The following COCH variants were observed in gnomAD, a reference collection of about 807,000 sequenced individuals.
COCH encodes the protein cochlin.
In COCH, 40 loss-of-function variants were observed where a neutral mutation model predicts 54.8. That is an observed-to-expected ratio of 0.73 (90% CI 0.57 to 0.95). The LOEUF (loss-of-function observed/expected upper bound fraction) is 0.95, where lower values mean the gene tolerates loss of function less well. Among genes scored for constraint, COCH ranks in the 40% least tolerant of loss-of-function variants. COCH has a pLI of 0.00. For synonymous variants in COCH, 256 were observed against 237.9 expected (o/e 1.08, Z -0.70); for missense variants, 605 against 675.0 (o/e 0.90, Z 1.15).
downstream of COCH, chr14:30,893,864 G>A (rs1360551864): frequency 1.3e-5 from 2 of 152,486 alleles, no homozygotes; most frequent in Admixed American, 1.3e-4. Flanking sequence ...AACACAAAAT[G>A]ATGTAGCCAA....
At chr14:30,881,212 CAAAAAAA>C (rs11297000) in intron 8 of COCH, among the ~76,000 whole-genome samples, 43 of 93,420 alleles carry the variant, frequency 4.6e-4, no homozygotes, top group African/African-American at 1.6e-3. Context: ...GACTATGTCT[CAAAAAAA>C]AAAAAAAAAA....
At chr14:30,888,905 A>G (rs575133156) in intron 11 of COCH, among the ~76,000 whole-genome samples, 2 of 152,318 alleles carry the variant, frequency 1.3e-5, no homozygotes, top group South Asian at 4.1e-4. Context: ...TCTAGTAACT[A>G]AAGTGAATGG....
intron 9 of COCH, 81 bp from the exon 10 acceptor site, chr14:30,885,313 C>G: frequency 8.2e-7 from 1 of 1,223,568 alleles, no homozygotes; most frequent in Middle Eastern, 1.9e-4. Flanking sequence ...TTAAACTTTG[C>G]AGCATCAAAT....
rs1407997558 is a variant in COCH, at chr14:30,889,740, TTCTGATGTCA to T, written c.1605_1614del (p.Asp536GlufsTer8). The T allele has an allele frequency of 6.2e-7, 1 of 1,613,610 alleles. No individual in the cohort carries two copies. The highest frequency in any genetic ancestry group is 8.5e-7 in the Non-Finnish European group (1 of 1,179,508). Reference sequence around the variant, plus strand: ...AGTTCACAGGATTAGAACCAATTGTTTCTGATGTCATCAGAGGCATTTGTAGAGATTTCTT... The same window carrying T: ...AGTTCACAGGATTAGAACCAATTGTTTCAGAGGCATTTGTAGAGATTTCTT... On this transcript the variant is annotated frameshift_variant, in exon 12 of 12. Transcript: ENST00000396618. LOFTEE classifies it high-confidence loss of function.
chr14:30,882,834 AG>A (rs1454418637), intron 8 of COCH, among the ~76,000 whole-genome samples: 1 of 152,186 alleles, frequency 6.6e-6, no homozygotes, highest in Admixed American at 6.5e-5. Context: ...AGCTGCAGTG[AG>A]CTATGATGGC....
chr14:30,878,814 A>G lies in COCH; in HGVS notation c.243A>G (p.Gly81=). 2 of 1,614,166 alleles carry G rather than the reference A, an allele frequency of 1.2e-6. No homozygotes were observed. The highest frequency in any genetic ancestry group is 1.7e-6 in the Non-Finnish European group (2 of 1,180,030). Residue 81 remains glycine (G), a synonymous_variant, in exon 5 of 12, where the codon GGA becomes GGG. Transcript: ENST00000396618. The part of the protein sequence containing the change: ...SSICGAAVHR[G]VISNSGGPVR... The stretch of plus-strand genomic sequence containing the variant: ...AGCTGCTATTCTTGTGTTACAGGGG[A>G]GTAATCAGCAACTCAGGGGGACCTG...
In COCH at chr14:30,877,961, G is replaced by A. The variant is rs1196264790; in HGVS notation, c.239+233G>A. 6.6e-6 allele frequency among the ~76,000 whole-genome samples: 1 copy of A among 152,200 alleles called. No individual in the cohort carries two copies. The highest frequency in any genetic ancestry group is 2.4e-5 in the African/African-American group (1 of 41,448). On this transcript the variant is annotated intron_variant, in intron 4 of 11. Transcript: ENST00000396618. This position sits in a 1 kb window ranked among gnomAD's most constrained non-coding sequence, Gnocchi z 8.6. ...TACCTCTTGATGGCTAGATTGCTAT[G>A]ATTCCAAAACATTCCTAATCATGTG...
chr14:30,878,985 C>A lies in COCH; in HGVS notation c.373+41C>A, dbSNP rs76449673. ...GTTCTCATTCTGTAATATTCTCCCA[C>A]CCCCCAAACGTTTTCTGCTTTTTTT... is the stretch of plus-strand genomic sequence containing the variant. On this transcript the variant is annotated intron_variant, in intron 5 of 11. Coordinates refer to ENST00000396618, the MANE Select transcript of COCH (RefSeq NM_004086.3). The A allele has an allele frequency of 7.8e-4, 1,249 of 1,610,074 alleles. 11 individuals are homozygous for A. The African/African-American group carries it at 0.013, about 17-fold the overall frequency.
At chr14:30,891,194 A>G (rs1432247569), downstream of COCH, among the ~76,000 whole-genome samples, 1 of 152,216 alleles carries the variant, frequency 6.6e-6, no homozygotes, top group Non-Finnish European at 1.5e-5. Context: ...TTACTTAAAA[A>G]TGCTTGTGAA....
chr14:30,877,738 A>G lies in COCH; in HGVS notation c.239+10A>G, dbSNP rs1566406972. The G allele has an allele frequency of 6.2e-7, 1 of 1,614,134 alleles. No homozygotes were observed. The highest frequency in any genetic ancestry group is 1.1e-5 in the South Asian group (1 of 91,074). ...GGGCTGCTGTCCACAGGTAAGCCCA[A>G]ACACACCAGGGTGGGAGAGAAATGC... On this transcript the variant is annotated intron_variant, in intron 4 of 11. Transcript: ENST00000396618. This position sits in a 1 kb window ranked among gnomAD's most constrained non-coding sequence, Gnocchi z 8.6.
chr14:30,893,129 T>C (rs1896028120), downstream of COCH, among the ~76,000 whole-genome samples: 1 of 143,102 alleles, frequency 7.0e-6, no homozygotes, highest in Non-Finnish European at 1.6e-5. Flanking sequence ...AAACCACAAT[T>C]ACAAACGGCA....
intron 8 of COCH, 79 bp from the exon 9 acceptor site, chr14:30,884,474 A>G (rs2138869980): frequency 1.1e-6 from 1 of 950,220 alleles, no homozygotes; most frequent in East Asian, 2.5e-5. Flanking sequence ...TGGTTTTAAA[A>G]CTGTTTTTTA....
At chr14:30,879,611 T>A in intron 6 of COCH, 126 bp downstream of exon 6, 1 of 892,554 alleles carries the variant, frequency 1.1e-6, no homozygotes, top group Non-Finnish European at 1.9e-6. Context: ...GCAAATACCT[T>A]AAGTTTACTG....
At chr14:30,884,255 C>T (rs1018289190) in intron 8 of COCH, among the ~76,000 whole-genome samples, 3 of 152,220 alleles carry the variant, frequency 2.0e-5, no homozygotes, top group Non-Finnish European at 4.4e-5. Context: ...TCTTCATTTA[C>T]ATAATTGGGA....
rs769673342 is a variant in COCH, at chr14:30,880,742, C to A, written c.629+8C>A. 1.2e-6 allele frequency: 2 copies of A among 1,607,672 alleles called. No homozygotes were observed. Among genetic ancestry groups the A allele is most frequent in the East Asian group, 4.5e-5 (2 of 44,750 alleles). ...GGGCCTTGTTCAAGCCAGGTACCAA[C>A]CTTGTTAAAATGGGAGATTTAAAAA... On this transcript the variant is annotated splice_region_variant and intron_variant, in intron 8 of 11. Coordinates refer to ENST00000396618, the MANE Select transcript of COCH (RefSeq NM_004086.3).
chr14:30,875,001 C>A (rs1432552172), intron 2 of COCH, 29 bp downstream of exon 2: 1 of 1,613,140 alleles, frequency 6.2e-7, no homozygotes, highest in South Asian at 1.1e-5. Context: ...CGACCCCGGC[C>A]CCTTGCTCCG....
chr14:30,890,363 C>T lies in COCH; in HGVS notation c.*572C>T. The stretch of plus-strand genomic sequence containing the variant: ...CTGCTTTTGTAGTGTGTTTTCATAA[C>T]AACTTATGACTAAAAATATCACACT... On this transcript the variant is annotated 3_prime_UTR_variant, in exon 12 of 12. Coordinates refer to ENST00000396618, the MANE Select transcript of COCH (RefSeq NM_004086.3). 1.0e-6 allele frequency: 1 copy of T among 985,376 alleles called. No homozygotes were observed. The highest frequency in any genetic ancestry group is 1.2e-6 in the Non-Finnish European group (1 of 829,914). 61.0% of individuals were successfully genotyped at this position (985,376 alleles called of 1,614,324 possible). A position where few individuals can be genotyped will look rare whatever the true frequency, so the allele number is the denominator to read the frequency against.
At chr14:30,893,783 TGAA>T (rs965349932), downstream of COCH, 26 of 152,566 alleles carry the variant, frequency 1.7e-4, no homozygotes, top group African/African-American at 6.3e-4. Context: ...AGCATAAAAA[TGAA>T]GGACTCACTA....
rs914741161 is a variant in COCH at position 30,877,800 on chromosome 14, G to A, written c.239+72G>A. On this transcript the variant is annotated intron_variant, in intron 4 of 11. Coordinates refer to ENST00000396618, the MANE Select transcript of COCH (RefSeq NM_004086.3). The surrounding 1 kb of genome is among the most constrained non-coding windows in gnomAD (Gnocchi z 8.6). ...TTTCCTTTCCTGCTTTACCCATCTG[G>A]ATCCCTTTCCTCCCTGCATTCTTTC... is the stretch of plus-strand genomic sequence containing the variant. The A allele has an allele frequency of 6.2e-7, 1 of 1,604,296 alleles. No individual in the cohort carries two copies. The highest frequency in any genetic ancestry group is 1.4e-5 in the African/African-American group (1 of 72,894).
Sources: gnomAD v4.1 joint callset for allele counts (sites outside exome capture counted in the v4.1 genomes callset) on GRCh38, gnomAD v4.1.1 for gene constraint, Gnocchi (gnomAD v3.1) non-coding constraint, MANE v1.5 for transcripts, NCBI Gene and HGNC (gene_info 2026-07-23, HGNC 2026-07-21) for gene names.